NFIL3: variants seen among roughly 807,000 people sequenced by gnomAD.
NFIL3 encodes the protein nuclear factor interleukin-3-regulated protein.
A neutral mutation model predicts 10.0 loss-of-function variants in NFIL3; 5 were observed. That is an observed-to-expected ratio of 0.50 (90% CI 0.26 to 1.06). NFIL3 has a LOEUF of 1.06. NFIL3 is among the 50% of genes least tolerant of loss of function. The pLI, the probability that NFIL3 is intolerant of heterozygous loss-of-function variation, is 0.13. For synonymous variants in NFIL3, 202 were observed against 206.5 expected, an observed-to-expected ratio of 0.98 and a Z score of 0.19; for missense variants, 436 against 547.6, an observed-to-expected ratio of 0.80 and a Z score of 2.03.
chr9:91,478,592 C>A, the NFIL3 span, among the ~76,000 whole-genome samples: 608 of 152,050 alleles, frequency 4.0e-3, 1 homozygote, highest in South Asian at 0.012. Context: ...AGAACATGCT[C>A]CTTTAGCTCG....
chr9:91,450,101 T>C, the NFIL3 span, among the ~76,000 whole-genome samples: 17,372 of 152,112 alleles, frequency 0.11, 2,134 homozygotes, highest in African/African-American at 0.31. Context: ...CTTTTGTTCT[T>C]TATTAGTCTA....
chr9:91,476,338 T>G, the NFIL3 span, among the ~76,000 whole-genome samples: 1 of 152,262 alleles, frequency 6.6e-6, no homozygotes, highest in Non-Finnish European at 1.5e-5. Flanking sequence ...TTTGGGAGGC[T>G]GAGGCAGGTG....
chr9:91,409,611 T>A lies in NFIL3; in HGVS notation c.1124A>T (p.His375Leu), dbSNP rs748508094. The change falls in exon 2 of 2, where the codon CAT becomes CTT. Residue 375 changes from histidine to leucine, a missense_variant. By Grantham distance (99) the His-to-Leu change is moderately conservative. This residue lies in a region of NFIL3 where 338 missense variants were observed against 399.9 expected (regional missense o/e 0.85). Coordinates refer to ENST00000297689, the MANE Select transcript of NFIL3 (RefSeq NM_005384.3). ...CACTGAGAAAGGAGTAAGAGAAGAA[T>A]GTACCATACTTGGGGCACTATGCTT... ...LEKHSAPSMVHSSLTPFSVQV... is the reference protein window; with the variant it reads ...LEKHSAPSMVLSSLTPFSVQV... 5 of 1,614,154 alleles carry A rather than the reference T, an allele frequency of 3.1e-6. No homozygotes were observed. In the East Asian group the frequency reaches 1.1e-4, roughly 36 times the overall value.
At chr9:91,449,988 AT>A in the NFIL3 span, among the ~76,000 whole-genome samples, 1 of 152,094 alleles carries the variant, frequency 6.6e-6, no homozygotes, top group African/African-American at 2.4e-5. Context: ...AATTTTCTGC[AT>A]ACAATTGTTC....
At chr9:91,417,828 G>A (rs1395515111) in intron 1 of NFIL3, among the ~76,000 whole-genome samples, 1 of 151,980 alleles carries the variant, frequency 6.6e-6, no homozygotes, top group Non-Finnish European at 1.5e-5. Context: ...ACACACTCTC[G>A]CACACTGCCA....
chr9:91,471,087 G>A, the NFIL3 span, among the ~76,000 whole-genome samples: 2 of 152,234 alleles, frequency 1.3e-5, no homozygotes, highest in African/African-American at 4.8e-5. Flanking sequence ...TTAGCCTTCT[G>A]TCTCGTTGAT....
the NFIL3 span, among the ~76,000 whole-genome samples, chr9:91,454,631 A>C: frequency 0.45 from 68,531 of 152,058 alleles, 19,305 homozygotes; most frequent in African/African-American, 0.79. Flanking sequence ...CAGGAGTTTG[A>C]GCCCAGCCTG....
chr9:91,455,419 C>T, the NFIL3 span, among the ~76,000 whole-genome samples: 6 of 152,220 alleles, frequency 3.9e-5, no homozygotes, highest in African/African-American at 1.4e-4. Flanking sequence ...TATTTATTTA[C>T]ATCACTTGTG....
intron 1 of NFIL3, among the ~76,000 whole-genome samples, chr9:91,415,203 G>T (rs1360620085): frequency 6.6e-6 from 1 of 152,168 alleles, no homozygotes; most frequent in Non-Finnish European, 1.5e-5. Flanking sequence ...AGGGGAACCA[G>T]GTGTGAGTGC....
chr9:91,478,761 T>A, the NFIL3 span, among the ~76,000 whole-genome samples: 4 of 152,200 alleles, frequency 2.6e-5, no homozygotes, highest in Non-Finnish European at 5.9e-5. Flanking sequence ...TGCACTGTTT[T>A]TTCCTGATCT....
intron 1 of NFIL3, among the ~76,000 whole-genome samples, chr9:91,417,152 T>A (rs1167153359): frequency 1.3e-5 from 2 of 152,210 alleles, no homozygotes; most frequent in African/African-American, 4.8e-5. Context: ...ATTTTGTTTT[T>A]AAAATTCTGT....
upstream of NFIL3, chr9:91,426,688 G>A (rs1487663394): frequency 6.6e-6 from 1 of 152,110 alleles, no homozygotes; most frequent in African/African-American, 2.4e-5. Flanking sequence ...CTGCCAACAT[G>A]GTTTCTGACT....
the NFIL3 span, among the ~76,000 whole-genome samples, chr9:91,451,444 T>C: frequency 6.6e-6 from 1 of 152,356 alleles, no homozygotes; most frequent in East Asian, 1.9e-4. Context: ...TTTTGGCTTG[T>C]TAATCACCAC....
the NFIL3 span, among the ~76,000 whole-genome samples, chr9:91,447,906 T>G: frequency 2.6e-5 from 4 of 152,332 alleles, no homozygotes; most frequent in African/African-American, 9.6e-5. Context: ...AGAAATTTAT[T>G]GCCAAATCCA....
At chr9:91,464,545 G>C in the NFIL3 span, among the ~76,000 whole-genome samples, 8 of 151,892 alleles carry the variant, frequency 5.3e-5, no homozygotes, top group Admixed American at 2.0e-4. Flanking sequence ...GTTATCTTTT[G>C]TATCAATTAA....
the NFIL3 span, among the ~76,000 whole-genome samples, chr9:91,457,525 T>C: frequency 6.6e-6 from 1 of 152,068 alleles, no homozygotes; most frequent in African/African-American, 2.4e-5. Flanking sequence ...TTTCTCATTG[T>C]TCATTGTTAC....
chr9:91,433,634 A>G, the NFIL3 span, among the ~76,000 whole-genome samples: 4 of 152,350 alleles, frequency 2.6e-5, no homozygotes, highest in East Asian at 3.9e-4. Flanking sequence ...GGAAGCGTCA[A>G]TATCAGCACC....
upstream of NFIL3, among the ~76,000 whole-genome samples, chr9:91,424,469 C>G (rs951370925): frequency 6.6e-6 from 1 of 152,118 alleles, no homozygotes. Context: ...ACACTCGGGG[C>G]GCGCTGCGGC....
At chr9:91,479,520 C>T in the NFIL3 span, among the ~76,000 whole-genome samples, 1 of 152,162 alleles carries the variant, frequency 6.6e-6, no homozygotes, top group Non-Finnish European at 1.5e-5. Context: ...CATCCCAGAT[C>T]AACTTCAGAC....
Sources: allele counts gnomAD v4.1 joint callset (sites outside exome capture counted in the v4.1 genomes callset), GRCh38; gene constraint gnomAD v4.1.1; regional missense constraint gnomAD v4.1.1; transcripts MANE v1.5; gene names NCBI Gene and HGNC (gene_info 2026-07-23, HGNC 2026-07-21).